PCCB: variants seen among roughly 807,000 people sequenced by gnomAD.
PCCB encodes propionyl-CoA carboxylase subunit beta, also known as propionyl-CoA carboxylase beta chain, mitochondrial.
In PCCB, 43 loss-of-function variants were observed where a neutral mutation model predicts 60.7. The ratio of observed to expected loss-of-function variants is 0.71; its 90% CI spans 0.55 to 0.91. The LOEUF is 0.91. PCCB is among the 40% of genes least tolerant of loss of function. PCCB has a pLI of 0.00. For missense variants in PCCB, 766 were observed against 702.8 expected (o/e 1.09, Z -1.02); for synonymous variants, 276 against 255.9 (o/e 1.08, Z -0.75).
At chr3:136,290,986 T>G (rs1276608404) in intron 6 of PCCB, among the ~76,000 whole-genome samples, 2 of 152,108 alleles carry the variant, frequency 1.3e-5, no homozygotes, top group African/African-American at 4.8e-5. Context: ...GCATGCCCAG[T>G]CTACCAAAAA....
chr3:136,260,696 C>G (rs1941797609), intron 4 of PCCB, among the ~76,000 whole-genome samples, 161 bp downstream of exon 4: 1 of 152,132 alleles, frequency 6.6e-6, no homozygotes. Flanking sequence ...ATTTTCGTAC[C>G]ATGGATCTCT....
intron 10 of PCCB, among the ~76,000 whole-genome samples, chr3:136,318,170 C>T (rs1057496296): frequency 1.3e-5 from 2 of 152,148 alleles, no homozygotes; most frequent in Non-Finnish European, 2.9e-5. Context: ...AACCCTGTCT[C>T]TACTAAAAAT....
At chr3:136,252,557 T>A (rs1941547014) in intron 1 of PCCB, among the ~76,000 whole-genome samples, 1 of 151,786 alleles carries the variant, frequency 6.6e-6, no homozygotes, top group Non-Finnish European at 1.5e-5. Context: ...AGACAGGGTC[T>A]TACTCTGTCA....
intron 9 of PCCB, among the ~76,000 whole-genome samples, chr3:136,309,019 T>C (rs1934554651): frequency 6.6e-6 from 1 of 151,844 alleles, no homozygotes; most frequent in African/African-American, 2.4e-5. Context: ...TCCCAGCACT[T>C]TGGGAGGCCG....
chr3:136,299,315 C>T (rs1934088748), intron 8 of PCCB, among the ~76,000 whole-genome samples: 1 of 151,736 alleles, frequency 6.6e-6, no homozygotes, highest in Non-Finnish European at 1.5e-5. Flanking sequence ...TGTATACATA[C>T]ATGTATACAT....
chr3:136,315,883 A>G (rs1015401357), intron 9 of PCCB, among the ~76,000 whole-genome samples: 1 of 150,370 alleles, frequency 6.7e-6, no homozygotes, highest in Non-Finnish European at 1.5e-5. Context: ...ATATCACTGT[A>G]GTTATAAAAA....
At chr3:136,286,086 T>C (rs1391817474) in intron 6 of PCCB, among the ~76,000 whole-genome samples, 1 of 152,204 alleles carries the variant, frequency 6.6e-6, no homozygotes, top group Non-Finnish European at 1.5e-5. Flanking sequence ...ACTAAAACTG[T>C]CTGAAGAACT....
intron 5 of PCCB, among the ~76,000 whole-genome samples, chr3:136,267,291 T>C (rs1330934212): frequency 1.3e-5 from 2 of 152,104 alleles, no homozygotes; most frequent in Non-Finnish European, 2.9e-5. Context: ...GCTCAAGCAA[T>C]CCTCCTGCCT....
intron 5 of PCCB, among the ~76,000 whole-genome samples, chr3:136,263,254 G>GTTTTT (rs137942280): frequency 7.9e-6 from 1 of 125,934 alleles, no homozygotes; most frequent in Non-Finnish European, 1.6e-5. Context: ...CGCCCAGCTG[G>GTTTTT]TTTTTTTTTT....
At chr3:136,294,616 T>C (rs1933852123) in intron 7 of PCCB, among the ~76,000 whole-genome samples, 1 of 149,670 alleles carries the variant, frequency 6.7e-6, no homozygotes, top group African/African-American at 2.5e-5. Flanking sequence ...GGCTTTTGTT[T>C]TGTTTTGTTT....
intron 3 of PCCB, 85 bp from the exon 4 acceptor site, chr3:136,260,394 T>C (rs539314209): frequency 8.4e-6 from 10 of 1,197,424 alleles, no homozygotes; most frequent in African/African-American, 7.5e-5. Flanking sequence ...CTTTTATCTG[T>C]GAATTTTCTA....
intron 1 of PCCB, among the ~76,000 whole-genome samples, chr3:136,254,884 T>C (rs1941625961): frequency 1.3e-5 from 2 of 151,454 alleles, no homozygotes; most frequent in South Asian, 4.2e-4. Flanking sequence ...GAAGCTTTTT[T>C]TTTTTTTTGG....
intron 1 of PCCB, among the ~76,000 whole-genome samples, chr3:136,252,662 ATTTTTT>A (rs962722858): frequency 8.3e-6 from 1 of 120,910 alleles, no homozygotes; most frequent in African/African-American, 3.2e-5. Context: ...TACCCAGCTA[ATTTTTT>A]TTTTTTTTTT....
chr3:136,274,073 T>A (rs1047487119), intron 5 of PCCB, among the ~76,000 whole-genome samples: 2 of 152,062 alleles, frequency 1.3e-5, no homozygotes, highest in Non-Finnish European at 1.5e-5. Context: ...TGTGATTTTT[T>A]AAAAATCCAT....
chr3:136,260,251 T>C (rs1431710945), intron 3 of PCCB: 5 of 593,510 alleles, frequency 8.4e-6, no homozygotes, highest in Non-Finnish European at 1.5e-5. Context: ...CTTTTTTCTA[T>C]ATTTTTTGCA....
rs988886785 is a variant in PCCB at position 136,329,990 on chromosome 3, A to G, written c.1584A>G (p.Gln528=). ...ATGTCTTGGCCAGCAAGAAGGTACA[A>G]CGTCCTTGGAGAAAACATGCAAATA... ...DLDVLASKKV[Q]RPWRKHANIP... The change falls in exon 15 of 15, where the codon CAA becomes CAG. Residue 528 remains glutamine, a synonymous_variant. Transcript: ENST00000251654. The G allele has an allele frequency of 1.2e-6, 2 of 1,614,194 alleles. No homozygotes were observed. Among genetic ancestry groups the G allele is most frequent in the Admixed American group, 3.3e-5 (2 of 60,034 alleles).
At chr3:136,268,104 A>ATATATATATATATGTATATATATATG (rs1942077201) in intron 5 of PCCB, among the ~76,000 whole-genome samples, 1 of 124,510 alleles carries the variant, frequency 8.0e-6, no homozygotes, top group Non-Finnish European at 1.6e-5. Flanking sequence ...ATATATATAT[A>ATATATATATATATGTATATATATATG]TATATATATA....
At chr3:136,278,181 A>G (rs1942382413) in intron 5 of PCCB, among the ~76,000 whole-genome samples, 1 of 152,050 alleles carries the variant, frequency 6.6e-6, no homozygotes, top group Non-Finnish European at 1.5e-5. Context: ...ACTGCTCCCT[A>G]AATCAGTCCC....
chr3:136,305,965 T>C lies in PCCB; in HGVS notation c.966+4854T>C, dbSNP rs1436631693. ...GTTACATTTATGTACCTGCAAGACA[T>C]ACAAAATCGAATACACTGAAGGACA... is the stretch of plus-strand genomic sequence containing the variant. On this transcript the variant is annotated intron_variant, in intron 9 of 14. Transcript: ENST00000251654. 4.1e-5 allele frequency among the ~76,000 whole-genome samples: 5 copies of C among 120,596 alleles called. 1 individual carries two copies. The highest frequency in any genetic ancestry group is 3.0e-4 in the Admixed American group (3 of 10,012). The allele number at this position is 120,596 out of a possible 152,430, so 79.1% of individuals were successfully genotyped here.
Sources: gnomAD v4.1 joint callset for allele counts (sites outside exome capture counted in the v4.1 genomes callset) on GRCh38, gnomAD v4.1.1 for gene constraint, MANE v1.5 for transcripts, NCBI Gene and HGNC (gene_info 2026-07-23, HGNC 2026-07-21) for gene names.